Variants in CACNA1E observed in about 807,000 individuals in gnomAD.
CACNA1E encodes the protein voltage-dependent R-type calcium channel subunit alpha-1E.
In CACNA1E, 40 loss-of-function variants were observed where a neutral mutation model predicts 259.2. That is an observed-to-expected ratio of 0.15 (90% confidence interval 0.12 to 0.20). CACNA1E has a LOEUF of 0.20. Ranked by LOEUF, CACNA1E falls within the 10% of genes least tolerant of loss-of-function variation. CACNA1E has a pLI of 1.00. For synonymous variants in CACNA1E, 1,104 were observed against 1,138.5 expected (o/e 0.97, Z 0.61); for missense variants, 1,874 against 3,040.1 (o/e 0.62, Z 9.02).
chr1:181,552,499 C>CT (rs968156563), intron 3 of CACNA1E, among the ~76,000 whole-genome samples: 57 of 146,254 alleles, frequency 3.9e-4, no homozygotes, highest in East Asian at 5.9e-4. Flanking sequence ...AATCACTGAT[C>CT]TTTTTTTTTT....
At chr1:181,388,289 A>G (rs1655999737) in intron 1 of CACNA1E, among the ~76,000 whole-genome samples, 1 of 152,208 alleles carries the variant, frequency 6.6e-6, no homozygotes, top group African/African-American at 2.4e-5. Context: ...TGAGCCCTCA[A>G]TTAGCCAATG....
intron 1 of CACNA1E, among the ~76,000 whole-genome samples, chr1:181,496,820 C>T (rs930141351): frequency 2.0e-5 from 3 of 152,194 alleles, no homozygotes; most frequent in Non-Finnish European, 4.4e-5. Context: ...GGAACTGCCT[C>T]TCCTTTCTGC....
At chr1:181,349,911 C>T (rs1411262962) in intron 1 of CACNA1E, among the ~76,000 whole-genome samples, 1 of 152,202 alleles carries the variant, frequency 6.6e-6, no homozygotes, top group Non-Finnish European at 1.5e-5. Flanking sequence ...CTTCTCTGCA[C>T]TCAGTATCCT....
chr1:181,528,749 T>C (rs1381215271), intron 3 of CACNA1E, among the ~76,000 whole-genome samples: 1 of 152,164 alleles, frequency 6.6e-6, no homozygotes, highest in African/African-American at 2.4e-5. Context: ...TTGTGGAACT[T>C]TGAACTTGAG....
At chr1:181,662,124 A>G (rs1347829667) in intron 7 of CACNA1E, among the ~76,000 whole-genome samples, 1 of 152,194 alleles carries the variant, frequency 6.6e-6, no homozygotes, top group Non-Finnish European at 1.5e-5. Context: ...GAGTTGTGTG[A>G]CCATGGGGGT....
chr1:181,724,651 C>T, intron 17 of CACNA1E, 114 bp downstream of exon 17: 1 of 830,710 alleles, frequency 1.2e-6, no homozygotes, highest in Non-Finnish European at 1.9e-6. Flanking sequence ...CCAGGAAGGC[C>T]CTTTCTGGAA....
At chr1:181,702,194 T>C (rs1316735811) in intron 7 of CACNA1E, among the ~76,000 whole-genome samples, 2 of 152,156 alleles carry the variant, frequency 1.3e-5, no homozygotes, top group Non-Finnish European at 2.9e-5. Flanking sequence ...CTGGTTTGTT[T>C]AACTCCATTC....
intron 2 of CACNA1E, among the ~76,000 whole-genome samples, chr1:181,428,551 G>C (rs1267940897): frequency 6.6e-6 from 1 of 152,148 alleles, no homozygotes; most frequent in African/African-American, 2.4e-5. Flanking sequence ...AGAGAAACAG[G>C]CTGGGAGTGG....
Position 181,798,797 on chromosome 1 carries a change from A to G in CACNA1E, c.6905A>G (p.Asn2302Ser), listed in dbSNP as rs1662051174. 1.3e-6 allele frequency: 2 copies of G among 1,547,214 alleles called. No homozygotes were observed. The highest frequency in any genetic ancestry group is 1.7e-6 in the Non-Finnish European group (2 of 1,146,246). Residue 2302 changes from asparagine to serine, a missense_variant, in exon 48 of 48, where the codon AAC (asparagine) becomes AGC (serine). Physicochemically the swap from Asn to Ser is conservative, Grantham distance 46. Transcript: ENST00000367573. The surrounding 1 kb of genome is among the most constrained non-coding windows in gnomAD (Gnocchi z 4.2). ...GPGMMCGAVN[N>S]LLSDTEEDDK... ...GGCATGATGTGTGGGGCTGTCAACAACCTGCTAAGTGACACGGAAGAAGAT... is the reference window on the plus strand; with the variant it reads ...GGCATGATGTGTGGGGCTGTCAACAGCCTGCTAAGTGACACGGAAGAAGAT...
At chr1:181,476,933 G>A (rs1662895822) in intron 2 of CACNA1E, among the ~76,000 whole-genome samples, 1 of 152,056 alleles carries the variant, frequency 6.6e-6, no homozygotes. Flanking sequence ...TGCTGTCTGG[G>A]GCTAAACTCC....
At chr1:181,740,007 G>T (rs1656409080) in intron 25 of CACNA1E, among the ~76,000 whole-genome samples, 1 of 152,178 alleles carries the variant, frequency 6.6e-6, no homozygotes, top group African/African-American at 2.4e-5. Context: ...TAGGAAATGG[G>T]ATGCTTTCAG....
intron 3 of CACNA1E, among the ~76,000 whole-genome samples, chr1:181,514,348 C>A (rs911849424): frequency 1.3e-5 from 2 of 152,188 alleles, no homozygotes; most frequent in African/African-American, 4.8e-5. Flanking sequence ...GTGATACCAA[C>A]CAGGGAGGCA....
At chr1:181,623,435 T>C (rs1226356773) in intron 6 of CACNA1E, among the ~76,000 whole-genome samples, 1 of 152,198 alleles carries the variant, frequency 6.6e-6, no homozygotes, top group Non-Finnish European at 1.5e-5. Context: ...ATTAAATAAT[T>C]TGAGGATGGG....
At chr1:181,493,334 C>T (rs1324161399) in intron 1 of CACNA1E, among the ~76,000 whole-genome samples, 1 of 152,190 alleles carries the variant, frequency 6.6e-6, no homozygotes, top group Non-Finnish European at 1.5e-5. Flanking sequence ...TACGGTTGCA[C>T]TGGGCTGTCA....
intron 2 of CACNA1E, among the ~76,000 whole-genome samples, chr1:181,424,275 C>G (rs948979202): frequency 6.6e-6 from 1 of 152,208 alleles, no homozygotes; most frequent in Non-Finnish European, 1.5e-5. Flanking sequence ...CCCTTAGGAA[C>G]TGACACAATT....
At chr1:181,345,546 T>C (rs576742537) in intron 1 of CACNA1E, among the ~76,000 whole-genome samples, 15 of 152,198 alleles carry the variant, frequency 9.9e-5, no homozygotes, top group Non-Finnish European at 1.8e-4. Context: ...CTTGGGCATG[T>C]GGCTGTGTGA....
chr1:181,764,420 ATTAT>A (rs1206474602), intron 34 of CACNA1E, among the ~76,000 whole-genome samples: 2 of 152,218 alleles, frequency 1.3e-5, no homozygotes, highest in East Asian at 1.9e-4. Flanking sequence ...TCTTATTTTA[ATTAT>A]TTATAGTTTA....
At chr1:181,450,983 C>T (rs898724437) in intron 2 of CACNA1E, among the ~76,000 whole-genome samples, 1 of 152,164 alleles carries the variant, frequency 6.6e-6, no homozygotes, top group Non-Finnish European at 1.5e-5. Flanking sequence ...AATAAGAATA[C>T]CCCTATTTCT....
intron 6 of CACNA1E, among the ~76,000 whole-genome samples, chr1:181,640,642 T>C (rs1657661934): frequency 6.6e-6 from 1 of 152,230 alleles, no homozygotes; most frequent in South Asian, 2.1e-4. Context: ...AATGATTATC[T>C]GAAGCTTTTT....
Sources: gnomAD v4.1 joint callset for allele counts (sites outside exome capture counted in the v4.1 genomes callset) on GRCh38, gnomAD v4.1.1 for gene constraint, Gnocchi (gnomAD v3.1) non-coding constraint, MANE v1.5 for transcripts, NCBI Gene and HGNC (gene_info 2026-07-23, HGNC 2026-07-21) for gene names.